Variants in TTN observed in about 807,000 individuals in gnomAD.
TTN encodes titin, also known as connectin.
Under a neutral mutation model 3,223.0 loss-of-function variants are expected in TTN, and 1,525 were observed. The observed-to-expected ratio is 0.47, with a 90% confidence interval of 0.45 to 0.49. TTN has a LOEUF of 0.49. Among genes scored for constraint, TTN ranks in the 20% least tolerant of loss-of-function variants. The pLI, the probability that TTN is intolerant of heterozygous loss-of-function variation, is 0.00. For missense variants in TTN, 40,786 were observed against 43,424.0 expected (o/e 0.94, Z 5.40); for synonymous variants, 14,094 against 15,161.0 (o/e 0.93, Z 5.17).
chr2:178,734,330 T>C lies in TTN; in HGVS notation c.15494A>G (p.Lys5165Arg), dbSNP rs768283610. The change falls in exon 52 of 363, where the codon AAA (lysine) becomes AGA (arginine). Residue 5165 changes from lysine (K) to arginine (R), a missense_variant and splice_region_variant. By Grantham distance (26) the Lys-to-Arg change is conservative (BLOSUM62 2). Coordinates refer to ENST00000589042, the MANE Select transcript of TTN (RefSeq NM_001267550.2). ...KCGCMATHLL[K>R]EPPTFVKKVD... ...ACATTAGTTTTTCAAGCACTAACCT[T>C]TGAGTAAGTGGGTTGCCATGCAGCC... 5 of 1,588,830 alleles carry C rather than the reference T, an allele frequency of 3.1e-6. No homozygotes were observed. The highest frequency in any genetic ancestry group is 4.3e-6 in the Non-Finnish European group (5 of 1,166,428).
intron 24 of TTN, chr2:178,778,416 C>T: frequency 6.7e-5 from 15 of 225,220 alleles, no homozygotes; most frequent in South Asian, 2.1e-4. Flanking sequence ...AATTTGGAAA[C>T]AAAACAAAGC....
At position 178,740,901 on chromosome 2, in the gene TTN, G is replaced by T; in HGVS notation, c.12332C>A (p.Ala4111Asp). Reference protein sequence around the residue: ...NELSSQLPLGAQELQSILEQD... With the variant: ...NELSSQLPLGDQELQSILEQD... ...CTCCAAAATGGATTGCAATTCCTGA[G>T]CTCCCAAAGGAAGCTGACTGCTCAA... The change falls in exon 48 of 363, where the codon GCT becomes GAT. Residue 4111 changes from alanine to aspartate, a missense_variant. Physicochemically the swap from Ala to Asp is moderately radical, Grantham distance 126. Coordinates refer to ENST00000589042, the MANE Select transcript of TTN (RefSeq NM_001267550.2). 1 of 1,613,892 alleles carries T rather than the reference G, an allele frequency of 6.2e-7. No homozygotes were observed.
chr2:178,572,259 A>T lies in TTN; in HGVS notation c.73873T>A (p.Leu24625Met), dbSNP rs545556079. The change falls in exon 326 of 363, where the codon TTG becomes ATG. Residue 24625 changes from leucine to methionine, a missense_variant. By Grantham distance (15) the Leu-to-Met change is conservative. Transcript: ENST00000589042. The part of the protein sequence containing the change: ...ERPLPPGKIT[L>M]MDVTRNSVSL... Reference sequence around the variant, plus strand: ...ACACTATTTCTTGTGACATCCATCAAAGTTATTTTTCCTGGAGGAAGAGGT... The same window carrying T: ...ACACTATTTCTTGTGACATCCATCATAGTTATTTTTCCTGGAGGAAGAGGT... 1.2e-6 allele frequency: 2 copies of T among 1,613,178 alleles called. No individual in the cohort carries two copies. Among genetic ancestry groups the T allele is most frequent in the Admixed American group, 3.3e-5 (2 of 59,974 alleles).
Position 178,764,187 on chromosome 2 carries a change from A to C in TTN, c.10104T>G (p.Val3368=), listed in dbSNP as rs142460433. ...TGTTCTTAAACCTACCTGTTCCAGA[A>C]ACCCGGCATTGAAAACGGGCTGGCT... is the stretch of plus-strand genomic sequence containing the variant. ...EGQPARFQCR[V]SGTDLKVSWY... Residue 3368 remains valine (V), a synonymous_variant, in exon 43 of 363, where the codon GTT becomes GTG. Transcript: ENST00000589042. The C allele has an allele frequency of 2.4e-4, 392 of 1,614,160 alleles. 1 individual carries two copies. The African/African-American group carries it at 4.7e-3, about 19-fold the overall frequency.
chr2:178,623,042 TC>T (rs2154213425), intron 242 of TTN, among the ~76,000 whole-genome samples: 1 of 152,038 alleles, frequency 6.6e-6, no homozygotes, highest in South Asian at 2.1e-4. Context: ...CCATCTCAGT[TC>T]TTTTGAATAA....
At position 178,723,843 on chromosome 2, in the gene TTN, A is replaced by T. The variant is rs779137737; in HGVS notation, c.21403+13T>A. The T allele has an allele frequency of 6.3e-7, 1 of 1,582,942 alleles. No individual in the cohort carries two copies. The highest frequency in any genetic ancestry group is 8.6e-7 in the Non-Finnish European group (1 of 1,162,112). On this transcript the variant is annotated intron_variant, in intron 73 of 362. Transcript: ENST00000589042. ...TTGTAAGAAATTCCTTACAAGTTTG[A>T]CTGTCTACTGACCTTGTACAGTTAG...
Position 178,729,879 on chromosome 2 carries a change from A to G in TTN, c.18374T>C (p.Phe6125Ser), listed in dbSNP as rs375003845. 2.3e-5 allele frequency: 37 copies of G among 1,613,400 alleles called. No individual in the cohort carries two copies. Among genetic ancestry groups the G allele is most frequent in the African/African-American group, 4.0e-5 (3 of 74,902 alleles). Residue 6125 changes from phenylalanine to serine, a missense_variant, in exon 63 of 363, where the codon TTT (phenylalanine) becomes TCT (serine). Physicochemically the swap from Phe to Ser is radical, Grantham distance 155. Transcript: ENST00000589042. ...LVLRNGQSTT[F>S]ECQITGTPKI... is the part of the protein sequence containing the mutation. ...AGGAGTGCCTGTTATTTGGCATTCA[A>G]ATGTTGTTGACTGTCCATTCCTCAG...
rs748231785 is a variant in TTN, at chr2:178,547,044, G to T, written c.94481C>A (p.Ala31494Asp). The change falls in exon 340 of 363, where the codon GCC becomes GAC. Residue 31494 changes from alanine to aspartate, a missense_variant. Physicochemically the swap from Ala to Asp is moderately radical, Grantham distance 126. Transcript: ENST00000589042. Reference protein sequence around the residue: ...YALNAAGVSKASEASRPIMAQ... With the variant: ...YALNAAGVSKDSEASRPIMAQ... The stretch of plus-strand genomic sequence containing the variant: ...CATTATAGGTCTTGAAGCTTCGCTG[G>T]CCTTGCTAACACCTGCAGCATTGAG... 1.2e-6 allele frequency: 2 copies of T among 1,613,482 alleles called. No homozygotes were observed. Among genetic ancestry groups the T allele is most frequent in the Admixed American group, 3.3e-5 (2 of 60,014 alleles).
In TTN at chr2:178,702,670, A is replaced by C. The variant is rs778458915; in HGVS notation, c.30224-7T>G. The C allele has an allele frequency of 2.6e-5, 42 of 1,610,694 alleles. No individual in the cohort carries two copies. In the Admixed American group the frequency reaches 7.0e-4, roughly 27 times the overall value. On this transcript the variant is annotated splice_polypyrimidine_tract_variant and splice_region_variant and intron_variant, in intron 106 of 362. Coordinates refer to ENST00000589042, the MANE Select transcript of TTN (RefSeq NM_001267550.2). ...GTAAACTGAATTGGTTCAGCTGTTT[A>C]AGTACAAAGAGGGTTCAAAGTTAGA...
At position 178,565,295 on chromosome 2, in the gene TTN, T is replaced by A. The variant is rs1705319606; in HGVS notation, c.80837A>T (p.Asp26946Val). Residue 26946 changes from aspartate to valine, a missense_variant, in exon 326 of 363, where the codon GAC becomes GTC. Transcript: ENST00000589042. The part of the protein sequence containing the change: ...VLHIKEGNKD[D>V]FGKYTVTATN... ...TGCCGTTACGGTGTATTTTCCAAAG[T>A]CATCTTTGTTACCTTCTTTAATGTG... is the stretch of plus-strand genomic sequence containing the variant. 6.2e-7 allele frequency: 1 copy of A among 1,613,524 alleles called. No individual in the cohort carries two copies. Among genetic ancestry groups the A allele is most frequent in the Admixed American group, 1.7e-5 (1 of 59,960 alleles).
chr2:178,773,340 G>T lies in TTN; in HGVS notation c.7624C>A (p.Leu2542Ile), dbSNP rs762722498. The T allele has an allele frequency of 1.9e-6, 3 of 1,613,804 alleles. No individual in the cohort carries two copies. In the South Asian group the frequency reaches 3.3e-5, roughly 18 times the overall value. ...KIKIIRGLRDLTCTETQNVVF... is the reference protein window; with the variant it reads ...KIKIIRGLRDITCTETQNVVF... Reference sequence around the variant, plus strand: ...ACATTTTGAGTTTCTGTACAGGTAAGGTCACGAAGACCTCTGATAATTTTA... The same window carrying T: ...ACATTTTGAGTTTCTGTACAGGTAATGTCACGAAGACCTCTGATAATTTTA... The change falls in exon 33 of 363, where the codon CTT becomes ATT. Residue 2542 changes from leucine to isoleucine, a missense_variant. By Grantham distance (5) the Leu-to-Ile change is conservative. Coordinates refer to ENST00000589042, the MANE Select transcript of TTN (RefSeq NM_001267550.2).
At chr2:178,748,849 C>CAGT in intron 47 of TTN, 2 of 1,612,108 alleles carry the variant, frequency 1.2e-6, no homozygotes, top group Admixed American at 3.3e-5. Flanking sequence ...TATTTGGAGA[C>CAGT]ATTTTCTCTG....
Position 178,722,650 on chromosome 2 carries a change from TATC to T in TTN, c.22240+6_22240+8del. ...AAAAGAATTTTTTTAATTTGTAAAA[TATC>T]ATCACCTTGAATTCTGAACACAGTC... On this transcript the variant is annotated splice_donor_region_variant and intron_variant, in intron 76 of 362. Coordinates refer to ENST00000589042, the MANE Select transcript of TTN (RefSeq NM_001267550.2). 5.0e-6 allele frequency: 8 copies of T among 1,595,204 alleles called. No homozygotes were observed. Among genetic ancestry groups the T allele is most frequent in the Non-Finnish European group, 6.8e-6 (8 of 1,172,080 alleles).
In TTN at chr2:178,603,857, G is replaced by T. The variant is rs1308866468; in HGVS notation, c.54811+19C>A. Reference sequence around the variant, plus strand: ...TTTGTGCTTTAGAAATTAGTCCCCAGAAACGGAAGCATACTTACATATGGG... The same window carrying T: ...TTTGTGCTTTAGAAATTAGTCCCCATAAACGGAAGCATACTTACATATGGG... On this transcript the variant is annotated intron_variant, in intron 282 of 362. Coordinates refer to ENST00000589042, the MANE Select transcript of TTN (RefSeq NM_001267550.2). 1 of 1,521,308 alleles carries T rather than the reference G, an allele frequency of 6.6e-7. No individual in the cohort carries two copies. Among genetic ancestry groups the T allele is most frequent in the Non-Finnish European group, 8.9e-7 (1 of 1,123,314 alleles). 94.2% of individuals were successfully genotyped at this position (1,521,308 alleles called of 1,614,324 possible).
chr2:178,783,973 C>A, intron 16 of TTN, 97 bp downstream of exon 16: 1 of 1,593,678 alleles, frequency 6.3e-7, no homozygotes. Flanking sequence ...AGGAGAAAGG[C>A]AAGACTCCAC....
Position 178,557,385 on chromosome 2 carries a change from G to A in TTN, c.87877C>T (p.Arg29293Cys), listed in dbSNP as rs191482653. 1,083 of 1,613,896 alleles carry A rather than the reference G, an allele frequency of 6.7e-4. 18 individuals are homozygous for A. In the East Asian group the frequency reaches 0.019, roughly 28 times the overall value. Reference sequence around the variant, plus strand: ...GTTGTGACTTTGAAGTGAGTTGTGCGGATGACCAGTTTGTTGGCTTTTTGC... The same window carrying A: ...GTTGTGACTTTGAAGTGAGTTGTGCAGATGACCAGTTTGTTGGCTTTTTGC... Reference protein sequence around the residue: ...LWQKANKLVIRTTHFKVTTIS... With the variant: ...LWQKANKLVICTTHFKVTTIS... The change falls in exon 329 of 363, where the codon CGC becomes TGC. Residue 29293 changes from arginine (R) to cysteine (C), a missense_variant. By Grantham distance (180) the Arg-to-Cys change is radical (BLOSUM62 -3). Transcript: ENST00000589042.
intron 307 of TTN, 95 bp downstream of exon 307, chr2:178,587,023 A>T (rs935441530): frequency 7.9e-6 from 12 of 1,514,548 alleles, no homozygotes; most frequent in Non-Finnish European, 9.0e-6. Context: ...TACAAATGAA[A>T]TCTCTTTCAG....
chr2:178,696,448 A>G (rs2073741383), intron 113 of TTN, among the ~76,000 whole-genome samples, 179 bp from the exon 114 acceptor site: 1 of 151,580 alleles, frequency 6.6e-6, no homozygotes, highest in Non-Finnish European at 1.5e-5. Context: ...TAGAGTATCA[A>G]GATGCATTCT....
intron 52 of TTN, 115 bp downstream of exon 52, chr2:178,734,213 G>T: frequency 7.5e-7 from 1 of 1,340,258 alleles, no homozygotes; most frequent in Non-Finnish European, 9.9e-7. Flanking sequence ...GTCAAACCAA[G>T]ACAAAACAAA....
Sources: gnomAD v4.1 joint callset for allele counts (sites outside exome capture counted in the v4.1 genomes callset) on GRCh38, gnomAD v4.1.1 for gene constraint, MANE v1.5 for transcripts, NCBI Gene and HGNC (gene_info 2026-07-23, HGNC 2026-07-21) for gene names.